TNS1: variants seen among roughly 807,000 people sequenced by gnomAD.
TNS1 encodes the protein tensin-1.
TNS1 carries 62 observed loss-of-function variants against 168.6 expected under a neutral mutation model. The observed-to-expected ratio is 0.37, with a 90% CI of 0.30 to 0.45. The LOEUF (loss-of-function observed/expected upper bound fraction) is 0.45, where lower values mean the gene tolerates loss of function less well. Ranked by LOEUF, TNS1 falls within the 20% of genes least tolerant of loss-of-function variation. The pLI, the probability that TNS1 is intolerant of heterozygous loss-of-function variation, is 1.00. For synonymous variants in TNS1, 934 were observed against 933.2 expected, an observed-to-expected ratio of 1.00 and a Z score of -0.02; for missense variants, 2,240 against 2,339.4, an observed-to-expected ratio of 0.96 and a Z score of 0.88.
chr2:218,007,357 A>G (rs898492185), upstream of TNS1, among the ~76,000 whole-genome samples: 15 of 152,162 alleles, frequency 9.9e-5, no homozygotes, highest in Non-Finnish European at 2.2e-4. Context: ...ACTGAGGCAC[A>G]TAGAGGTTCA....
intron 2 of TNS1, among the ~76,000 whole-genome samples, chr2:217,979,649 C>G (rs893657764): frequency 6.6e-6 from 1 of 152,102 alleles, no homozygotes; most frequent in African/African-American, 2.4e-5. Flanking sequence ...CCCCACCCCC[C>G]AGGGCTCTGG....
intron 28 of TNS1, among the ~76,000 whole-genome samples, chr2:217,811,530 C>T (rs1650820642): frequency 6.6e-6 from 1 of 152,156 alleles, no homozygotes; most frequent in South Asian, 2.1e-4. Context: ...ATCCTAGGGC[C>T]ACAGCCTAGG....
intron 3 of TNS1, among the ~76,000 whole-genome samples, chr2:217,930,509 G>GT (rs1956264403): frequency 6.6e-6 from 1 of 152,204 alleles, no homozygotes; most frequent in African/African-American, 2.4e-5. Flanking sequence ...TGACCTGGAG[G>GT]GCCAGGCTGA....
intron 2 of TNS1, among the ~76,000 whole-genome samples, chr2:217,981,666 C>T (rs1426989978): frequency 6.6e-6 from 1 of 152,180 alleles, no homozygotes; most frequent in African/African-American, 2.4e-5. Context: ...GATATTGACA[C>T]CTGCAGAAGC....
At chr2:217,965,560 G>A (rs916795628) in intron 3 of TNS1, among the ~76,000 whole-genome samples, 2 of 152,178 alleles carry the variant, frequency 1.3e-5, no homozygotes, top group Non-Finnish European at 2.9e-5. Context: ...CTGAGTCTGA[G>A]CCTCCAGGCA....
At chr2:217,806,034 G>A (rs958066381) in intron 32 of TNS1, among the ~76,000 whole-genome samples, 1 of 152,206 alleles carries the variant, frequency 6.6e-6, no homozygotes, top group Admixed American at 6.5e-5. Context: ...GCATCCCCCA[G>A]CACCTCCCTT....
intron 18 of TNS1, among the ~76,000 whole-genome samples, chr2:217,852,573 G>A (rs917992318): frequency 6.6e-6 from 1 of 152,240 alleles, no homozygotes; most frequent in Non-Finnish European, 1.5e-5. Context: ...CAGCATCTCA[G>A]TCATGACTAA....
intron 16 of TNS1, 56 bp from the exon 17 acceptor site, chr2:217,882,467 TAAA>T: frequency 7.8e-7 from 1 of 1,279,510 alleles, no homozygotes; most frequent in Non-Finnish European, 1.1e-6. Flanking sequence ...AAGGATTCCA[TAAA>T]AAGTTTTCTT....
At position 217,831,660 on chromosome 2, in the gene TNS1, G is replaced by A. The variant is rs139160869; in HGVS notation, c.3281-113C>T. On this transcript the variant is annotated intron_variant, in intron 21 of 32. Transcript: ENST00000682258. ...GGGCTGGGGGGCTGGAGACGGTGCC[G>A]AGGAACCACCCTGAGGCCCAGCGCT... 1.8e-3 allele frequency: 1,370 copies of A among 782,294 alleles called. 6 individuals are homozygous for A. Among genetic ancestry groups the A allele is most frequent in the Non-Finnish European group, 2.3e-3 (1,216 of 538,704 alleles). The allele number at this position is 782,294 out of a possible 1,614,324, so 48.5% of individuals were successfully genotyped here. A position where few individuals can be genotyped will look rare whatever the true frequency, so the allele number is the denominator to read the frequency against.
Position 217,836,216 on chromosome 2 carries a change from G to A in TNS1, c.3008-5C>T, listed in dbSNP as rs755265925. ...GCTTCTCCCGAGCCTGTACCCCTGG[G>A]AGGAAAGCAGGGTGTAGAGGACAAT... On this transcript the variant is annotated splice_polypyrimidine_tract_variant and splice_region_variant and intron_variant, in intron 19 of 32. Transcript: ENST00000682258. 3 of 1,606,380 alleles carry A rather than the reference G, an allele frequency of 1.9e-6. No homozygotes were observed. The highest frequency in any genetic ancestry group is 2.6e-6 in the Non-Finnish European group (3 of 1,175,254).
intron 3 of TNS1, among the ~76,000 whole-genome samples, chr2:217,933,643 GC>G (rs1289202447): frequency 1.3e-5 from 2 of 152,192 alleles, no homozygotes; most frequent in Admixed American, 6.5e-5. Flanking sequence ...AACAAGAGCA[GC>G]CCAGGGCCCC....
chr2:217,922,913 G>A (rs1307485808), intron 3 of TNS1, among the ~76,000 whole-genome samples: 2 of 152,220 alleles, frequency 1.3e-5, no homozygotes, highest in African/African-American at 2.4e-5. Flanking sequence ...ACTTTGTTGT[G>A]TGTTTCAGTG....
At chr2:217,981,732 C>G (rs881745) in intron 2 of TNS1, among the ~76,000 whole-genome samples, 50,623 of 152,088 alleles carry the variant, frequency 0.33, 8,771 homozygotes, top group East Asian at 0.53. Flanking sequence ...GGGAAGCCCT[C>G]TTTGCGTGCC....
At chr2:217,951,481 C>T (rs996015585) in intron 3 of TNS1, among the ~76,000 whole-genome samples, 1 of 152,204 alleles carries the variant, frequency 6.6e-6, no homozygotes, top group African/African-American at 2.4e-5. Context: ...TCCCATTTTA[C>T]AGAGGAGGAA....
intron 11 of TNS1, among the ~76,000 whole-genome samples, chr2:217,891,895 C>T (rs1574973154): frequency 6.6e-6 from 1 of 152,330 alleles, no homozygotes; most frequent in East Asian, 1.9e-4. Context: ...TCCAGTGTCA[C>T]CTCATCAAGA....
intron 3 of TNS1, chr2:217,936,901 C>G (rs563861945): frequency 4.0e-5 from 18 of 455,360 alleles, no homozygotes; most frequent in South Asian, 2.8e-4. Flanking sequence ...TCCTATTTTA[C>G]AGATGCAGAC....
At chr2:217,945,170 C>T (rs1957071960) in intron 3 of TNS1, among the ~76,000 whole-genome samples, 1 of 152,226 alleles carries the variant, frequency 6.6e-6, no homozygotes, top group Non-Finnish European at 1.5e-5. Context: ...GCCCTTCCTT[C>T]TCTTCCGCAT....
At chr2:217,942,498 G>A (rs1229223868) in intron 3 of TNS1, among the ~76,000 whole-genome samples, 1 of 152,166 alleles carries the variant, frequency 6.6e-6, no homozygotes, top group African/African-American at 2.4e-5. Context: ...CCCAGCTATA[G>A]CAAGTACTGA....
intron 3 of TNS1, among the ~76,000 whole-genome samples, chr2:217,925,110 T>C (rs990783063): frequency 6.6e-6 from 1 of 152,244 alleles, no homozygotes; most frequent in African/African-American, 2.4e-5. Context: ...TGCAAAAATA[T>C]AAGTGCTATT....
Sources: gnomAD v4.1 joint callset for allele counts (sites outside exome capture counted in the v4.1 genomes callset) on GRCh38, gnomAD v4.1.1 for gene constraint, MANE v1.5 for transcripts, NCBI Gene and HGNC (gene_info 2026-07-23, HGNC 2026-07-21) for gene names.